ALMS1: variants seen among roughly 807,000 people sequenced by gnomAD.
ALMS1 encodes the protein centrosome-associated protein ALMS1.
Under a neutral mutation model 352.2 loss-of-function variants are expected in ALMS1, and 271 were observed. That is an observed-to-expected ratio of 0.77 (90% CI 0.70 to 0.85). The LOEUF (loss-of-function observed/expected upper bound fraction) is 0.85. ALMS1 is among the 40% of genes least tolerant of loss of function. The pLI is 0.00. For synonymous variants in ALMS1, 1,865 were observed against 1,761.2 expected, an observed-to-expected ratio of 1.06 and a Z score of -1.48; for missense variants, 5,445 against 4,870.7, an observed-to-expected ratio of 1.12 and a Z score of -3.51.
chr2:73,573,216 G>A lies in ALMS1; in HGVS notation c.11339G>A (p.Ser3780Asn), dbSNP rs1674982019. ...DREVALHERS[S>N]SVSTIDTARL... ...GAGGTGGCTCTGCACGAAAGGAGTA[G>A]CTCTGTTTCCACTATTGACACTGCC... Residue 3780 changes from serine to asparagine, a missense_variant, in exon 16 of 23, where the codon AGC becomes AAC. Physicochemically the swap from Ser to Asn is conservative, Grantham distance 46. Coordinates refer to ENST00000613296, the MANE Select transcript of ALMS1 (RefSeq NM_001378454.1). 5 of 1,613,004 alleles carry A rather than the reference G, an allele frequency of 3.1e-6. No homozygotes were observed. In the East Asian group the frequency reaches 1.1e-4, roughly 36 times the overall value.
chr2:73,552,833 A>G (rs899168105), intron 13 of ALMS1, among the ~76,000 whole-genome samples: 2 of 152,216 alleles, frequency 1.3e-5, no homozygotes, highest in Non-Finnish European at 2.9e-5. Flanking sequence ...ATCATAAGTA[A>G]AATTCTCAGT....
In ALMS1 at chr2:73,557,312, G is replaced by GC; in HGVS notation, c.10174dup (p.Gln3392ProfsTer3). 6.2e-7 allele frequency: 1 copy of GC among 1,614,124 alleles called. No homozygotes were observed. The highest frequency in any genetic ancestry group is 8.5e-7 in the Non-Finnish European group (1 of 1,180,000). Reference sequence around the variant, plus strand: ...CAGTACAAGGGCAGTGACTGAGGCTGCCCAGGCTAAAGAAAAAGAATCTTT... The same window carrying GC: ...CAGTACAAGGGCAGTGACTGAGGCTGCCCCAGGCTAAAGAAAAAGAATCTTT... On this transcript the variant is annotated frameshift_variant, in exon 14 of 23. Transcript: ENST00000613296. LOFTEE classifies it high-confidence loss of function.
At chr2:73,540,640 A>AG (rs1491544283) in intron 12 of ALMS1, among the ~76,000 whole-genome samples, 1 of 152,222 alleles carries the variant, frequency 6.6e-6, no homozygotes, top group Non-Finnish European at 1.5e-5. Flanking sequence ...TCTCATGTGC[A>AG]GAGTCACACA....
chr2:73,558,789 A>G (rs975035033), intron 14 of ALMS1, among the ~76,000 whole-genome samples, 183 bp from the exon 15 acceptor site: 1 of 152,126 alleles, frequency 6.6e-6, no homozygotes, highest in Non-Finnish European at 1.5e-5. Context: ...TTCTTACAGT[A>G]TATCTGTTTA....
rs576561407 is a variant in ALMS1 at position 73,415,025 on chromosome 2, C to T, written c.451-4098C>T. 1.1e-3 allele frequency among the ~76,000 whole-genome samples: 164 copies of T among 152,150 alleles called. 3 individuals are homozygous for T. The South Asian group carries it at 0.032, about 30-fold the overall frequency. On this transcript the variant is annotated intron_variant, in intron 2 of 22. Transcript: ENST00000613296. ...TCTGCTTGAAACGCTGGAATGTTCG[C>T]GGTCTCATCCAGATCCAGGACTTTA...
At chr2:73,541,575 A>C (rs1674181708) in intron 12 of ALMS1, among the ~76,000 whole-genome samples, 1 of 152,256 alleles carries the variant, frequency 6.6e-6, no homozygotes, top group Non-Finnish European at 1.5e-5. Context: ...CATTGAATCC[A>C]GGAGCTGGTT....
intron 9 of ALMS1, among the ~76,000 whole-genome samples, chr2:73,488,865 G>A (rs1672913477): frequency 6.6e-6 from 1 of 152,134 alleles, no homozygotes; most frequent in African/African-American, 2.4e-5. Flanking sequence ...CTGATCCTAT[G>A]CGCCAGGAAA....
chr2:73,390,642 T>A (rs897317777), intron 1 of ALMS1, among the ~76,000 whole-genome samples: 2 of 152,250 alleles, frequency 1.3e-5, no homozygotes, highest in African/African-American at 4.8e-5. Context: ...TTCAGGCACT[T>A]CTTGTAATTC....
intron 16 of ALMS1, among the ~76,000 whole-genome samples, chr2:73,596,735 G>A (rs1446137064): frequency 3.3e-5 from 5 of 151,970 alleles, no homozygotes; most frequent in Non-Finnish European, 7.4e-5. Context: ...CTCCCAAAGT[G>A]CTGGGATTAC....
chr2:73,490,820 A>G lies in ALMS1; in HGVS notation c.8861A>G (p.Asp2954Gly), dbSNP rs751940353. ...CATTCTCCCCTTCCTCAAGGTCAGG[A>G]TTCTATAGCTTCAGACCTTCCGTCT... Reference protein sequence around the residue: ...ENHSPLPQGQDSIASDLPSPI... With the variant: ...ENHSPLPQGQGSIASDLPSPI... The change falls in exon 10 of 23, where the codon GAT becomes GGT. Residue 2954 changes from aspartate (D) to glycine (G), a missense_variant. Physicochemically the swap from Asp to Gly is moderately conservative, Grantham distance 94 (BLOSUM62 -1). Transcript: ENST00000613296. 11 of 1,613,926 alleles carry G rather than the reference A, an allele frequency of 6.8e-6. No homozygotes were observed. Among genetic ancestry groups the G allele is most frequent in the Middle Eastern group, 3.3e-4 (2 of 6,084 alleles).
intron 17 of ALMS1, 84 bp downstream of exon 17, chr2:73,599,605 A>G: frequency 1.4e-6 from 2 of 1,469,842 alleles, no homozygotes; most frequent in Non-Finnish European, 1.9e-6. Flanking sequence ...CAATCATAAT[A>G]AAGGACATGA....
intron 1 of ALMS1, among the ~76,000 whole-genome samples, chr2:73,393,211 A>G (rs988819150): frequency 2.0e-5 from 3 of 152,192 alleles, no homozygotes; most frequent in Non-Finnish European, 4.4e-5. Flanking sequence ...TTATCAATCA[A>G]GGGATTGACA....
chr2:73,475,538 A>G (rs1467779304), intron 9 of ALMS1, among the ~76,000 whole-genome samples: 1 of 152,208 alleles, frequency 6.6e-6, no homozygotes, highest in Non-Finnish European at 1.5e-5. Flanking sequence ...TACCTATTCA[A>G]ATTCTTTACC....
chr2:73,606,612 G>A (rs6546853), intron 21 of ALMS1, among the ~76,000 whole-genome samples: 57,617 of 152,066 alleles, frequency 0.38, 15,057 homozygotes, highest in African/African-American at 0.74. Flanking sequence ...GGTTGCTTCT[G>A]TTCATGTTTA....
At chr2:73,599,328 G>A in intron 16 of ALMS1, 73 bp from the exon 17 acceptor site, 1 of 1,583,912 alleles carries the variant, frequency 6.3e-7, no homozygotes. Flanking sequence ...AGGACTTGTT[G>A]GCTTGCTTAT....
intron 1 of ALMS1, among the ~76,000 whole-genome samples, chr2:73,405,130 T>G (rs1435521036): frequency 6.6e-6 from 1 of 151,910 alleles, no homozygotes; most frequent in Non-Finnish European, 1.5e-5. Context: ...CCCAGGCTGG[T>G]CTCTAACTCC....
At position 73,449,688 on chromosome 2, in the gene ALMS1, A is replaced by G. The variant is rs1238885643; in HGVS notation, c.3161A>G (p.Glu1054Gly). ...AVQSSSYPQR[E>G]KPSVLYPQVL... ...CAGTCTAGTTCTTACCCACAGAGGG[A>G]GAAGCCTAGTGTTTTGTACCCACAG... The change falls in exon 8 of 23, where the codon GAG becomes GGG. Residue 1054 changes from glutamate to glycine, a missense_variant. Physicochemically the swap from Glu to Gly is moderately conservative, Grantham distance 98. Transcript: ENST00000613296. The G allele has an allele frequency of 1.2e-6, 2 of 1,613,974 alleles. No homozygotes were observed. Among genetic ancestry groups the G allele is most frequent in the Admixed American group, 1.7e-5 (1 of 59,982 alleles).
intron 9 of ALMS1, among the ~76,000 whole-genome samples, chr2:73,461,013 C>T (rs1162636099): frequency 6.6e-6 from 1 of 152,232 alleles, no homozygotes; most frequent in Non-Finnish European, 1.5e-5. Context: ...CCTCTGGGGG[C>T]AGGGCATAGC....
chr2:73,580,885 G>A lies in ALMS1; in HGVS notation c.11547+7461G>A, dbSNP rs541463013. Among the ~76,000 whole-genome samples, 8 of 152,206 alleles carry A rather than the reference G, an allele frequency of 5.3e-5. No homozygotes were observed. In the South Asian group the frequency reaches 6.2e-4, roughly 12 times the overall value. On this transcript the variant is annotated intron_variant, in intron 16 of 22. Coordinates refer to ENST00000613296, the MANE Select transcript of ALMS1 (RefSeq NM_001378454.1). ...GAGATTTTCTTAAATGCCTGGGGCC[G>A]AAAAAAGCAAAAGAAAAAAGAAAAT...
Sources: gnomAD v4.1 joint callset for allele counts (sites outside exome capture counted in the v4.1 genomes callset) on GRCh38, gnomAD v4.1.1 for gene constraint, MANE v1.5 for transcripts, NCBI Gene and HGNC (gene_info 2026-07-23, HGNC 2026-07-21) for gene names.